CDKAL1: variants seen among roughly 807,000 people sequenced by gnomAD.
CDKAL1 encodes threonylcarbamoyladenosine tRNA methylthiotransferase.
In CDKAL1, 32 loss-of-function variants were observed where a neutral mutation model predicts 68.2. The observed-to-expected ratio is 0.47, with a 90% CI of 0.35 to 0.63. The LOEUF is 0.63. CDKAL1 is among the 30% of genes least tolerant of loss of function. The pLI is 0.00. For synonymous variants in CDKAL1, 234 were observed against 244.3 expected, an observed-to-expected ratio of 0.96 and a Z score of 0.39; for missense variants, 606 against 696.7, an observed-to-expected ratio of 0.87 and a Z score of 1.47.
At chr6:20,672,231 T>G (rs1325538348) in intron 5 of CDKAL1, among the ~76,000 whole-genome samples, 1 of 81,528 alleles carries the variant, frequency 1.2e-5, no homozygotes, top group African/African-American at 3.5e-5. Context: ...TTCTTTCTTT[T>G]CTTTCTCTTT....
At chr6:21,084,372 T>C (rs1180077906) in intron 12 of CDKAL1, among the ~76,000 whole-genome samples, 1 of 152,230 alleles carries the variant, frequency 6.6e-6, no homozygotes, top group African/African-American at 2.4e-5. Flanking sequence ...TTTATTTACT[T>C]GGCAGATAAT....
At chr6:20,910,131 T>G (rs532548665) in intron 9 of CDKAL1, among the ~76,000 whole-genome samples, 15 of 152,328 alleles carry the variant, frequency 9.8e-5, no homozygotes, top group African/African-American at 3.6e-4. Flanking sequence ...CCTCATCTAA[T>G]CCATTGCTTC....
intron 5 of CDKAL1, among the ~76,000 whole-genome samples, chr6:20,716,143 A>C (rs984036195): frequency 3.9e-5 from 6 of 152,202 alleles, no homozygotes; most frequent in Admixed American, 6.5e-5. Flanking sequence ...ACTGTGATGA[A>C]TAAGAGAGTT....
chr6:20,725,287 A>G (rs865925968), intron 5 of CDKAL1, among the ~76,000 whole-genome samples: 2 of 152,228 alleles, frequency 1.3e-5, no homozygotes, highest in Non-Finnish European at 2.9e-5. Context: ...CATAATAGGA[A>G]TATAGAATAT....
At chr6:21,165,166 T>A (rs1399093860) in intron 13 of CDKAL1, among the ~76,000 whole-genome samples, 1 of 152,214 alleles carries the variant, frequency 6.6e-6, no homozygotes, top group East Asian at 1.9e-4. Flanking sequence ...GCCCTTTCCT[T>A]CCACTTTCTG....
chr6:21,183,813 G>A (rs1777896598), intron 13 of CDKAL1, among the ~76,000 whole-genome samples: 1 of 152,156 alleles, frequency 6.6e-6, no homozygotes, highest in South Asian at 2.1e-4. Flanking sequence ...TTAATCTGAA[G>A]ACAACTCAAG....
chr6:20,789,369 C>T (rs1039737456), intron 8 of CDKAL1, among the ~76,000 whole-genome samples: 4 of 152,098 alleles, frequency 2.6e-5, no homozygotes, highest in Admixed American at 6.6e-5. Context: ...CTCATACCTG[C>T]GAAGTAATTA....
intron 9 of CDKAL1, among the ~76,000 whole-genome samples, chr6:20,875,354 G>C (rs1306492786): frequency 2.0e-5 from 3 of 150,948 alleles, no homozygotes; most frequent in Non-Finnish European, 4.4e-5. Context: ...TGATAAGTAG[G>C]TGGCAAGACA....
intron 5 of CDKAL1, among the ~76,000 whole-genome samples, chr6:20,709,627 C>A (rs1477677163): frequency 6.6e-6 from 1 of 152,098 alleles, no homozygotes; most frequent in Non-Finnish European, 1.5e-5. Context: ...ACTCACTTAA[C>A]AATAAGGACG....
At chr6:20,899,784 A>C (rs987022646) in intron 9 of CDKAL1, among the ~76,000 whole-genome samples, 1 of 152,220 alleles carries the variant, frequency 6.6e-6, no homozygotes, top group African/African-American at 2.4e-5. Flanking sequence ...CAGAGGTTGC[A>C]GTGAGTCAAG....
chr6:21,068,112 T>C (rs1771559541), intron 12 of CDKAL1, among the ~76,000 whole-genome samples: 1 of 152,190 alleles, frequency 6.6e-6, no homozygotes, highest in African/African-American at 2.4e-5. Context: ...GTATTCTGGC[T>C]ACAGCTCCTT....
chr6:20,886,295 T>TA (rs113151635), intron 9 of CDKAL1, among the ~76,000 whole-genome samples: 9 of 152,298 alleles, frequency 5.9e-5, no homozygotes, highest in African/African-American at 2.2e-4. Flanking sequence ...AGTAGCAATG[T>TA]AAAATGGTGC....
chr6:20,755,535 G>A lies in CDKAL1; in HGVS notation c.469-3060G>A, dbSNP rs115580645. ...CTGTTTAACCTATTTGCCAAACTTCGTCTCATCTAAAATGCATAGTTAACT... is the reference window on the plus strand; with the variant it reads ...CTGTTTAACCTATTTGCCAAACTTCATCTCATCTAAAATGCATAGTTAACT... On this transcript the variant is annotated intron_variant, in intron 6 of 15. Coordinates refer to ENST00000274695, the MANE Select transcript of CDKAL1 (RefSeq NM_017774.3). 2.6e-3 allele frequency among the ~76,000 whole-genome samples: 395 copies of A among 150,730 alleles called. 3 individuals carry two copies. Among genetic ancestry groups the A allele is most frequent in the African/African-American group, 7.9e-3 (325 of 40,938 alleles).
chr6:21,099,982 G>C (rs1298181158), intron 12 of CDKAL1, among the ~76,000 whole-genome samples: 1 of 152,172 alleles, frequency 6.6e-6, no homozygotes, highest in Non-Finnish European at 1.5e-5. Flanking sequence ...GAGCTTGATA[G>C]GAGAAGGTAT....
intron 8 of CDKAL1, among the ~76,000 whole-genome samples, chr6:20,810,511 C>T (rs909813859): frequency 2.7e-5 from 4 of 150,926 alleles, no homozygotes; most frequent in African/African-American, 7.3e-5. Flanking sequence ...GTGGGAGGAT[C>T]GCTTGAGCCC....
intron 9 of CDKAL1, among the ~76,000 whole-genome samples, chr6:20,889,199 C>T (rs1761250689): frequency 4.6e-5 from 7 of 151,834 alleles, no homozygotes; most frequent in Admixed American, 3.3e-4. Flanking sequence ...ATATCCTTTG[C>T]CCACTTTTTG....
At chr6:20,770,854 G>A (rs1326943387) in intron 7 of CDKAL1, among the ~76,000 whole-genome samples, 3 of 152,172 alleles carry the variant, frequency 2.0e-5, no homozygotes, top group African/African-American at 7.2e-5. Context: ...ATATAATCAT[G>A]TATATAATTT....
intron 4 of CDKAL1, among the ~76,000 whole-genome samples, chr6:20,635,056 G>A (rs188078321): frequency 1.1e-4 from 16 of 151,944 alleles, no homozygotes; most frequent in Non-Finnish European, 2.1e-4. Context: ...GGGGAGATGT[G>A]CCATTTATGG....
chr6:21,141,320 C>T (rs1284447363), intron 13 of CDKAL1, among the ~76,000 whole-genome samples: 1 of 152,204 alleles, frequency 6.6e-6, no homozygotes, highest in African/African-American at 2.4e-5. Context: ...GCCCAGGCAC[C>T]TCCACGAAGC....
Sources: allele counts gnomAD v4.1 joint callset (sites outside exome capture counted in the v4.1 genomes callset), GRCh38; gene constraint gnomAD v4.1.1; transcripts MANE v1.5; gene names NCBI Gene and HGNC (gene_info 2026-07-23, HGNC 2026-07-21).